The following OIT3 variants were observed in gnomAD, a reference collection of about 807,000 sequenced individuals.
OIT3 encodes the protein oncoprotein induced transcript 3.
In OIT3, 41 loss-of-function variants were observed where a neutral mutation model predicts 52.2. That is an observed-to-expected ratio of 0.79 (90% CI 0.61 to 1.02). The LOEUF (loss-of-function observed/expected upper bound fraction) is 1.02, where lower values mean the gene tolerates loss of function less well. Among genes scored for constraint, OIT3 ranks in the 50% least tolerant of loss-of-function variants. OIT3 has a pLI of 0.00. For missense variants in OIT3, 634 were observed against 715.5 expected, an observed-to-expected ratio of 0.89 and a Z score of 1.30; for synonymous variants, 244 against 276.9, an observed-to-expected ratio of 0.88 and a Z score of 1.18.
At chr10:72,910,822 T>G (rs1846022390) in intron 4 of OIT3, among the ~76,000 whole-genome samples, 1 of 152,208 alleles carries the variant, frequency 6.6e-6, no homozygotes, top group Non-Finnish European at 1.5e-5. Context: ...ATACAGAATC[T>G]GTAGAAACTA....
In OIT3 at chr10:72,924,656, G is replaced by T; in HGVS notation, c.1367+12G>T. ...CTCATCCGGGATGGGTAATGCTGCT[G>T]CAAGAATGGTCTCATCACCCCTAGT... is the stretch of plus-strand genomic sequence containing the variant. On this transcript the variant is annotated intron_variant, in intron 7 of 8. Transcript: ENST00000334011. 1.3e-6 allele frequency: 2 copies of T among 1,586,666 alleles called. No individual in the cohort carries two copies. Among genetic ancestry groups the T allele is most frequent in the South Asian group, 1.1e-5 (1 of 87,346 alleles).
chr10:72,918,003 T>G lies in OIT3; in HGVS notation c.951+4535T>G. 3.7e-6 allele frequency: 3 copies of G among 805,626 alleles called. 1 individual carries two copies. The South Asian group carries it at 4.0e-5, about 11-fold the overall frequency. The allele number at this position is 805,626 out of a possible 1,614,324, so 49.9% of individuals were successfully genotyped here. Reference sequence around the variant, plus strand: ...TTCATCATTATCATCATTATCTTCATCATCATCTTCATCTTCTTCATCGTC... The same window carrying G: ...TTCATCATTATCATCATTATCTTCAGCATCATCTTCATCTTCTTCATCGTC... On this transcript the variant is annotated intron_variant, in intron 6 of 8. Coordinates refer to ENST00000334011, the MANE Select transcript of OIT3 (RefSeq NM_152635.3).
chr10:72,915,181 T>A (rs1458479368), intron 6 of OIT3, among the ~76,000 whole-genome samples: 2 of 152,120 alleles, frequency 1.3e-5, no homozygotes, highest in Non-Finnish European at 2.9e-5. Flanking sequence ...TTTTTGGTAT[T>A]ATTTTCTTAT....
intron 1 of OIT3, among the ~76,000 whole-genome samples, chr10:72,895,104 G>T: frequency 6.6e-6 from 1 of 152,264 alleles, no homozygotes; most frequent in Non-Finnish European, 1.5e-5. Context: ...TAAAGGTAAC[G>T]TGTCATAACA....
intron 4 of OIT3, among the ~76,000 whole-genome samples, chr10:72,910,139 T>C (rs2132935305): frequency 6.6e-6 from 1 of 152,316 alleles, no homozygotes; most frequent in African/African-American, 2.4e-5. Context: ...CCTGGAAATA[T>C]CCTGAATGAA....
chr10:72,918,260 A>C (rs1264419874), intron 6 of OIT3: 1 of 804,454 alleles, frequency 1.2e-6, no homozygotes, highest in Non-Finnish European at 2.2e-6. Flanking sequence ...GTGTTATTTC[A>C]AAGCCCCCAA....
At chr10:72,918,506 C>T in intron 6 of OIT3, 2 of 1,400,644 alleles carry the variant, frequency 1.4e-6, no homozygotes, top group Non-Finnish European at 2.0e-6. Context: ...CCTCAGGAGG[C>T]TCATGTCCAT....
At chr10:72,921,914 C>T (rs944667437) in intron 6 of OIT3, among the ~76,000 whole-genome samples, 14 of 152,082 alleles carry the variant, frequency 9.2e-5, no homozygotes, top group East Asian at 3.9e-4. Flanking sequence ...TCAAGTGATC[C>T]GCCTGCCTCA....
intron 1 of OIT3, among the ~76,000 whole-genome samples, chr10:72,895,892 A>G (rs909957151): frequency 6.6e-6 from 1 of 152,196 alleles, no homozygotes; most frequent in African/African-American, 2.4e-5. Flanking sequence ...GCGCAATACC[A>G]GATTCTGGGC....
rs1182015013 is a variant in OIT3, at chr10:72,917,842, A to C, written c.951+4374A>C. On this transcript the variant is annotated intron_variant, in intron 6 of 8. Transcript: ENST00000334011. ...GGAGTTTTTTCCTGTTTTTTGAAGG[A>C]TTCTTGTCCTTTTGATCTTGGTGTT... 4 of 1,330,578 alleles carry C rather than the reference A, an allele frequency of 3.0e-6. No individual in the cohort carries two copies. In the African/African-American group the frequency reaches 5.8e-5, roughly 19 times the overall value. 82.4% of individuals were successfully genotyped at this position (1,330,578 alleles called of 1,614,324 possible).
rs886865179 is a variant in OIT3 at position 72,932,540 on chromosome 10, C to T, written c.*16C>T. On this transcript the variant is annotated 3_prime_UTR_variant, in exon 9 of 9. Transcript: ENST00000334011. The stretch of plus-strand genomic sequence containing the variant: ...GGAGGACTAGTTCGTAGCCATACCT[C>T]GAGTCCCTGCATTGGACGGCTCTGC... 8.9e-6 allele frequency: 14 copies of T among 1,577,536 alleles called. No individual in the cohort carries two copies. The highest frequency in any genetic ancestry group is 7.2e-5 in the Admixed American group (4 of 55,578).
intron 3 of OIT3, among the ~76,000 whole-genome samples, chr10:72,903,507 C>G (rs971890914): frequency 6.6e-6 from 1 of 152,160 alleles, no homozygotes; most frequent in African/African-American, 2.4e-5. Flanking sequence ...GGATTACAGG[C>G]GTGAGCCACC....
Position 72,899,703 on chromosome 10 carries a change from T to TGATAGATA in OIT3, c.437-626_437-619dup, listed in dbSNP as rs373777568. Among the ~76,000 whole-genome samples the TGATAGATA allele has an allele frequency of 3.9e-3, 572 of 144,956 alleles. 2 individuals are homozygous for TGATAGATA. Among genetic ancestry groups the TGATAGATA allele is most frequent in the East Asian group, 6.1e-3 (30 of 4,910 alleles). On this transcript the variant is annotated intron_variant, in intron 2 of 8. Transcript: ENST00000334011. ...AGAACCCCTTTTTAAGATAGATAGA[T>TGATAGATA]GATAGATAGATAGATAGATAGATAG...
At chr10:72,908,071 C>T (rs1564591682) in intron 4 of OIT3, among the ~76,000 whole-genome samples, 2 of 152,174 alleles carry the variant, frequency 1.3e-5, no homozygotes, top group African/African-American at 4.8e-5. Context: ...GGTAAAACCC[C>T]GTCTCTATTA....
intron 8 of OIT3, 74 bp from the exon 9 acceptor site, chr10:72,932,280 G>C: frequency 7.7e-7 from 1 of 1,293,134 alleles, no homozygotes; most frequent in Non-Finnish European, 1.1e-6. Context: ...GGAACATTTA[G>C]TATTGTGTCT....
At chr10:72,918,474 A>C (rs752314725) in intron 6 of OIT3, 35 of 1,153,714 alleles carry the variant, frequency 3.0e-5, no homozygotes, top group Non-Finnish European at 4.0e-5. Context: ...CTTAATTCAC[A>C]ACCAAAAAGA....
intron 6 of OIT3, 24 bp downstream of exon 6, chr10:72,913,492 T>C: frequency 6.3e-7 from 1 of 1,587,290 alleles, no homozygotes. Context: ...GGAGGGCACT[T>C]GGGGAATGAC....
chr10:72,930,668 T>C, intron 8 of OIT3, 31 bp downstream of exon 8: 1 of 993,770 alleles, frequency 1.0e-6, no homozygotes, highest in Non-Finnish European at 1.5e-6. Flanking sequence ...TTATAACCCC[T>C]GAACCTGAGC....
chr10:72,905,626 A>G (rs1316056966), intron 3 of OIT3, among the ~76,000 whole-genome samples: 4 of 152,216 alleles, frequency 2.6e-5, no homozygotes, highest in African/African-American at 7.2e-5. Flanking sequence ...TCAATTTCTC[A>G]GCTTCAAGTT....
Sources: gnomAD v4.1 joint callset for allele counts (sites outside exome capture counted in the v4.1 genomes callset) on GRCh38, gnomAD v4.1.1 for gene constraint, MANE v1.5 for transcripts, NCBI Gene and HGNC (gene_info 2026-07-23, HGNC 2026-07-21) for gene names.